SLC16A7: variants seen among roughly 807,000 people sequenced by gnomAD.
SLC16A7 encodes solute carrier family 16 member 7.
Under a neutral mutation model 34.9 loss-of-function variants are expected in SLC16A7, and 33 were observed. The observed-to-expected ratio is 0.94, with a 90% CI of 0.72 to 1.26. The LOEUF (loss-of-function observed/expected upper bound fraction) is 1.26. Among genes scored for constraint, SLC16A7 ranks in the 50% most tolerant of loss-of-function variants. The pLI is 0.00. For synonymous variants in SLC16A7, 201 were observed against 206.6 expected, an observed-to-expected ratio of 0.97 and a Z score of 0.23; for missense variants, 573 against 578.1, an observed-to-expected ratio of 0.99 and a Z score of 0.09.
rs1334809771 is a variant in SLC16A7, at chr12:59,783,220, T to C, written c.*3541T>C. The C allele has an allele frequency of 6.6e-6, 1 of 151,138 alleles. No homozygotes were observed. The highest frequency in any genetic ancestry group is 2.5e-5 in the African/African-American group (1 of 40,442). 9.4% of individuals were successfully genotyped at this position (151,138 alleles called of 1,614,324 possible). A position where few individuals can be genotyped will look rare whatever the true frequency, so the allele number is the denominator to read the frequency against. ...GCTTTTAATAAAACAAAAATTATTA[T>C]TTTTAGGCTTAATTTAATAGGGAGA... On this transcript the variant is annotated 3_prime_UTR_variant, in exon 6 of 6. Coordinates refer to ENST00000547379, the MANE Select transcript of SLC16A7 (RefSeq NM_001270623.2).
rs1334770908 is a variant in SLC16A7 at position 59,785,626 on chromosome 12, T to C, written c.*5947T>C. On this transcript the variant is annotated 3_prime_UTR_variant, in exon 6 of 6. Coordinates refer to ENST00000547379, the MANE Select transcript of SLC16A7 (RefSeq NM_001270623.2). ...AGTATGGACTTTTGTTTCTTTGGTATAGTTAGTTACACTTGTTTGCATGAT... is the reference window on the plus strand; with the variant it reads ...AGTATGGACTTTTGTTTCTTTGGTACAGTTAGTTACACTTGTTTGCATGAT... 6.6e-6 allele frequency: 1 copy of C among 152,178 alleles called. No individual in the cohort carries two copies. Among genetic ancestry groups the C allele is most frequent in the Non-Finnish European group, 1.5e-5 (1 of 68,014 alleles). 9.4% of individuals were successfully genotyped at this position (152,178 alleles called of 1,614,324 possible).
At chr12:59,706,363 T>C (rs965373724) in intron 3 of SLC16A7, among the ~76,000 whole-genome samples, 3 of 24,140 alleles carry the variant, frequency 1.2e-4, no homozygotes, top group African/African-American at 4.2e-4. Context: ...AATAATTCCC[T>C]GTGTGTGTGT....
Position 59,707,200 on chromosome 12 carries a change from G to T in SLC16A7, c.217+2182G>T, listed in dbSNP as rs762446349. On this transcript the variant is annotated intron_variant, in intron 3 of 5. Coordinates refer to ENST00000547379, the MANE Select transcript of SLC16A7 (RefSeq NM_001270623.2). ...TTCTATTGATCAGAACTCTTATACTGCCCTACCCAGAGTTAGGGGCCATGG... is the reference window on the plus strand; with the variant it reads ...TTCTATTGATCAGAACTCTTATACTTCCCTACCCAGAGTTAGGGGCCATGG... 3.9e-5 allele frequency among the ~76,000 whole-genome samples: 6 copies of T among 151,976 alleles called. No homozygotes were observed. In the East Asian group the frequency reaches 1.2e-3, roughly 29 times the overall value.
chr12:59,716,052 T>G (rs1874859696), intron 3 of SLC16A7, among the ~76,000 whole-genome samples: 1 of 152,202 alleles, frequency 6.6e-6, no homozygotes, highest in Non-Finnish European at 1.5e-5. Flanking sequence ...TACTAATCAC[T>G]AGAAGGGTGT....
intron 3 of SLC16A7, among the ~76,000 whole-genome samples, chr12:59,711,655 A>T (rs560939721): frequency 4.6e-5 from 7 of 152,202 alleles, no homozygotes; most frequent in African/African-American, 1.7e-4. Flanking sequence ...ATATTCTGGG[A>T]CTACAGAGGT....
At position 59,779,595 on chromosome 12, in the gene SLC16A7, G is replaced by T; in HGVS notation, c.1353G>T (p.Leu451Phe). The change falls in exon 6 of 6, where the codon TTG becomes TTT. Residue 451 changes from leucine (L) to phenylalanine (F), a missense_variant. By Grantham distance (22) the Leu-to-Phe change is conservative (BLOSUM62 0). Transcript: ENST00000547379. ...AGAAGACCAGAGAATCTGAACCCTT[G>T]AGCAAATCTAAACATTCGGAAGATG... ...ARQKTRESEP[L>F]SKSKHSEDVN... 1.2e-6 allele frequency: 2 copies of T among 1,612,196 alleles called. No homozygotes were observed. The highest frequency in any genetic ancestry group is 1.1e-5 in the South Asian group (1 of 90,994).
intron 2 of SLC16A7, among the ~76,000 whole-genome samples, chr12:59,671,443 G>A (rs1225172257): frequency 1.3e-5 from 2 of 151,806 alleles, no homozygotes; most frequent in African/African-American, 4.8e-5. Flanking sequence ...ACATTCCTTT[G>A]TATTTCTTCT....
intron 3 of SLC16A7, among the ~76,000 whole-genome samples, chr12:59,733,391 C>T (rs974086128): frequency 3.3e-5 from 5 of 152,066 alleles, no homozygotes; most frequent in East Asian, 1.9e-4. Context: ...CAGCTCCAGG[C>T]GCTGGCAAAG....
chr12:59,615,005 AAAAT>A (rs980697956), intron 1 of SLC16A7, among the ~76,000 whole-genome samples: 13 of 151,196 alleles, frequency 8.6e-5, no homozygotes, highest in South Asian at 4.2e-4. Context: ...TCCATCTCAA[AAAAT>A]AAATAAATAA....
At chr12:59,689,091 A>G (rs1351075636) in intron 2 of SLC16A7, among the ~76,000 whole-genome samples, 10 of 151,966 alleles carry the variant, frequency 6.6e-5, no homozygotes, top group Admixed American at 6.6e-4. Context: ...TTATATCACT[A>G]TTTTTAAACT....
intron 3 of SLC16A7, among the ~76,000 whole-genome samples, chr12:59,743,123 G>A (rs996970122): frequency 6.6e-6 from 1 of 152,148 alleles, no homozygotes; most frequent in African/African-American, 2.4e-5. Context: ...AGTTACTCAA[G>A]GGACTCATCA....
At chr12:59,661,534 T>C (rs1350906578) in intron 2 of SLC16A7, among the ~76,000 whole-genome samples, 2 of 152,112 alleles carry the variant, frequency 1.3e-5, no homozygotes, top group Admixed American at 6.6e-5. Context: ...AAGCACTCTC[T>C]CTCTGAACAT....
At chr12:59,727,335 G>A (rs1029763363) in intron 3 of SLC16A7, among the ~76,000 whole-genome samples, 2 of 152,014 alleles carry the variant, frequency 1.3e-5, no homozygotes, top group Admixed American at 6.6e-5. Flanking sequence ...AGGAAAAGGT[G>A]TACAAAATCT....
chr12:59,771,191 G>A, intron 3 of SLC16A7, 28 bp from the exon 4 acceptor site: 2 of 1,592,640 alleles, frequency 1.3e-6, no homozygotes, highest in Non-Finnish European at 1.7e-6. Flanking sequence ...GAGCAACTGA[G>A]TATTTCTTTA....
chr12:59,695,856 A>T (rs929488268), intron 2 of SLC16A7, among the ~76,000 whole-genome samples: 1 of 152,000 alleles, frequency 6.6e-6, no homozygotes, highest in East Asian at 1.9e-4. Flanking sequence ...GATTTAGCAT[A>T]TTTTTCTGTC....
chr12:59,751,416 C>T (rs112961933), intron 3 of SLC16A7, among the ~76,000 whole-genome samples: 31 of 152,326 alleles, frequency 2.0e-4, no homozygotes, highest in Admixed American at 3.9e-4. Flanking sequence ...TGCGCTTTTC[C>T]GATGAGCTTA....
intron 2 of SLC16A7, among the ~76,000 whole-genome samples, chr12:59,665,822 G>T (rs1869150941): frequency 6.6e-6 from 1 of 151,528 alleles, no homozygotes; most frequent in South Asian, 2.1e-4. Context: ...GTGTGTGTGT[G>T]TGTGTGTGTG....
intron 1 of SLC16A7, among the ~76,000 whole-genome samples, chr12:59,629,284 A>G (rs1416376343): frequency 6.6e-6 from 1 of 151,916 alleles, no homozygotes; most frequent in African/African-American, 2.4e-5. Flanking sequence ...CATTCAGTCC[A>G]TAAAATTATT....
chr12:59,779,438 T>G lies in SLC16A7; in HGVS notation c.1196T>G (p.Leu399Ter), dbSNP rs2137480330. The G allele has an allele frequency of 1.3e-6, 2 of 1,595,358 alleles. No individual in the cohort carries two copies. Among genetic ancestry groups the G allele is most frequent in the Non-Finnish European group, 1.7e-6 (2 of 1,169,536 alleles). Residue 399 changes from leucine to a stop codon, truncating the protein, a stop_gained, in exon 6 of 6, where the codon TTA becomes TGA. Transcript: ENST00000547379. LOFTEE classifies it high-confidence loss of function. Reference sequence around the variant, plus strand: ...TGTCTTCTAGGTAAATTGGTGGATTTAACTGGAGAATATAAATACATGTAC... The same window carrying G: ...TGTCTTCTAGGTAAATTGGTGGATTGAACTGGAGAATATAAATACATGTAC... ...GPPLAGKLVD[L>*]TGEYKYMYMS...
Sources: allele counts gnomAD v4.1 joint callset (sites outside exome capture counted in the v4.1 genomes callset), GRCh38; gene constraint gnomAD v4.1.1; transcripts MANE v1.5; gene names NCBI Gene and HGNC (gene_info 2026-07-23, HGNC 2026-07-21).